The following GLT6D1 variants were observed in gnomAD, a reference collection of about 807,000 sequenced individuals.
The protein encoded by GLT6D1 is glycosyltransferase 6 domain containing 1.
Under a neutral mutation model 12.3 loss-of-function variants are expected in GLT6D1, and 9 were observed. The observed-to-expected ratio is 0.73, with a 90% CI of 0.44 to 1.27. The LOEUF (loss-of-function observed/expected upper bound fraction) is 1.27. GLT6D1 is among the 50% of genes most tolerant of loss of function. The pLI, the probability that GLT6D1 is intolerant of heterozygous loss-of-function variation, is 0.00. For synonymous variants in GLT6D1, 128 were observed against 132.3 expected, an observed-to-expected ratio of 0.97 and a Z score of 0.23; for missense variants, 335 against 346.2, an observed-to-expected ratio of 0.97 and a Z score of 0.26.
chr9:135,633,109 A>AC (rs1833686145), intron 2 of GLT6D1, among the ~76,000 whole-genome samples: 2 of 152,182 alleles, frequency 1.3e-5, no homozygotes, highest in Non-Finnish European at 2.9e-5. Flanking sequence ...CAGGGATTAG[A>AC]GCTGTCTTTG....
intron 3 of GLT6D1, among the ~76,000 whole-genome samples, chr9:135,626,614 G>A (rs1180829199): frequency 6.6e-6 from 1 of 152,188 alleles, no homozygotes; most frequent in Non-Finnish European, 1.5e-5. Flanking sequence ...GCCAGGATGG[G>A]AGGCAGGAGA....
chr9:135,625,923 A>T lies in GLT6D1; in HGVS notation c.257+146T>A, dbSNP rs1313334716. ...TTGAGTCCCTTATTTGGGTTTGGAC[A>T]GGTAAGTTTGTTTCTCCCCAGAAAT... On this transcript the variant is annotated intron_variant, in intron 4 of 4. Transcript: ENST00000371763. The T allele has an allele frequency of 4.7e-6, 4 of 844,670 alleles. No individual in the cohort carries two copies. In the African/African-American group the frequency reaches 6.8e-5, roughly 14 times the overall value. The allele number at this position is 844,670 out of a possible 1,614,324, so 52.3% of individuals were successfully genotyped here.
chr9:135,635,900 A>G (rs1054740128), intron 2 of GLT6D1, among the ~76,000 whole-genome samples: 3 of 152,214 alleles, frequency 2.0e-5, no homozygotes, highest in Admixed American at 2.0e-4. Flanking sequence ...ACAGCAAGAA[A>G]CTTGCTCCCC....
intron 2 of GLT6D1, among the ~76,000 whole-genome samples, chr9:135,634,925 T>C (rs973794965): frequency 1.3e-5 from 2 of 152,246 alleles, no homozygotes; most frequent in African/African-American, 4.8e-5. Context: ...CAAAGACTGC[T>C]CTTTCTCCCC....
chr9:135,639,930 G>A (rs892663617), upstream of GLT6D1, among the ~76,000 whole-genome samples: 12 of 146,886 alleles, frequency 8.2e-5, no homozygotes, highest in Non-Finnish European at 7.4e-5. Context: ...TGCAACCTCC[G>A]CCTCCTGGGT....
chr9:135,635,021 C>G (rs1310222996), intron 2 of GLT6D1, among the ~76,000 whole-genome samples: 1 of 152,236 alleles, frequency 6.6e-6, no homozygotes. Flanking sequence ...GGAGAATCTA[C>G]AGACATGATT....
At chr9:135,630,820 CTTTAG>C (rs951818186) in intron 3 of GLT6D1, among the ~76,000 whole-genome samples, 3 of 151,882 alleles carry the variant, frequency 2.0e-5, no homozygotes, top group African/African-American at 4.8e-5. Flanking sequence ...GCTGGTAATA[CTTTAG>C]TTTATGCACT....
At chr9:135,635,426 G>A (rs1227782069) in intron 2 of GLT6D1, among the ~76,000 whole-genome samples, 4 of 152,186 alleles carry the variant, frequency 2.6e-5, no homozygotes, top group African/African-American at 9.7e-5. Flanking sequence ...AGCCTTGGTC[G>A]CTTTCCTGGA....
intron 2 of GLT6D1, among the ~76,000 whole-genome samples, chr9:135,636,231 G>A (rs569367808): frequency 2.6e-5 from 4 of 152,354 alleles, no homozygotes; most frequent in African/African-American, 7.2e-5. Context: ...GCATGTGCCT[G>A]TAGTCCCAGC....
intron 2 of GLT6D1, among the ~76,000 whole-genome samples, chr9:135,632,250 A>T (rs1479366631): frequency 6.6e-6 from 1 of 151,572 alleles, no homozygotes; most frequent in Non-Finnish European, 1.5e-5. Flanking sequence ...CTCCCACCTC[A>T]GCCTCCCAGG....
intron 4 of GLT6D1, 133 bp from the exon 5 acceptor site, chr9:135,624,803 C>T: frequency 2.0e-6 from 1 of 510,056 alleles, no homozygotes; most frequent in Non-Finnish European, 3.2e-6. Flanking sequence ...GATCTCGGCT[C>T]ACTGCAACCT....
rs539711556 is a variant in GLT6D1 at position 135,624,366 on chromosome 9, C to T, written c.562G>A (p.Gly188Ser). 1 of 1,614,060 alleles carries T rather than the reference C, an allele frequency of 6.2e-7. No homozygotes were observed. Among genetic ancestry groups the T allele is most frequent in the East Asian group, 2.2e-5 (1 of 44,874 alleles). ...FQNEFGVETL[G>S]PLVAQLHAWW... ...GCGTGGAGCTGGGCCACCAACGGGC[C>T]CAGGGTCTCCACCCCGAACTCATTC... is the stretch of plus-strand genomic sequence containing the variant. Residue 188 changes from glycine to serine, a missense_variant, in exon 5 of 5, where the codon GGC becomes AGC. By Grantham distance (56) the Gly-to-Ser change is moderately conservative. Transcript: ENST00000371763.
chr9:135,636,615 C>T (rs371310460), intron 2 of GLT6D1, among the ~76,000 whole-genome samples: 3 of 152,120 alleles, frequency 2.0e-5, no homozygotes, highest in African/African-American at 2.4e-5. Context: ...GTTACACTGT[C>T]ATACAGAACA....
chr9:135,630,153 C>T (rs1254630541), intron 3 of GLT6D1, among the ~76,000 whole-genome samples: 1 of 152,028 alleles, frequency 6.6e-6, no homozygotes, highest in African/African-American at 2.4e-5. Context: ...CACCTGTAAT[C>T]CCAGCACTTT....
At chr9:135,626,255 G>C (rs7033170) in intron 3 of GLT6D1, 49 bp from the exon 4 acceptor site, 51,079 of 1,601,074 alleles carry the variant, frequency 0.032, 1,215 homozygotes, top group African/African-American at 0.12. Flanking sequence ...CTGAGGCGCC[G>C]GCAGCAGGTG....
chr9:135,624,886 C>T lies in GLT6D1; in HGVS notation c.258-216G>A, dbSNP rs187917605. 3.8e-3 allele frequency among the ~76,000 whole-genome samples: 553 copies of T among 145,282 alleles called. 3 individuals are homozygous for T. Among genetic ancestry groups the T allele is most frequent in the African/African-American group, 0.013 (516 of 39,874 alleles). On this transcript the variant is annotated intron_variant, in intron 4 of 4. Transcript: ENST00000371763. ...CTGGGACTACAGGCACCTGCCACCACGCCCAGGTAATTTTTTTTTTTTTTT... is the reference window on the plus strand; with the variant it reads ...CTGGGACTACAGGCACCTGCCACCATGCCCAGGTAATTTTTTTTTTTTTTT...
chr9:135,634,103 C>T (rs1248128208), intron 2 of GLT6D1, among the ~76,000 whole-genome samples: 1 of 152,166 alleles, frequency 6.6e-6, no homozygotes, highest in African/African-American at 2.4e-5. Context: ...ACACAAAATA[C>T]ATGGCACCAA....
intron 4 of GLT6D1, among the ~76,000 whole-genome samples, chr9:135,625,114 C>G (rs1032134608): frequency 6.6e-6 from 1 of 152,036 alleles, no homozygotes. Context: ...GTGTCTGATG[C>G]TAAGGAACTC....
At chr9:135,627,593 C>T (rs796158512) in intron 3 of GLT6D1, among the ~76,000 whole-genome samples, 11 of 152,266 alleles carry the variant, frequency 7.2e-5, no homozygotes, top group African/African-American at 2.6e-4. Flanking sequence ...GAGTTATTTA[C>T]ACTTTCTGGC....
Sources: allele counts gnomAD v4.1 joint callset (sites outside exome capture counted in the v4.1 genomes callset), GRCh38; gene constraint gnomAD v4.1.1; transcripts MANE v1.5; gene names NCBI Gene and HGNC (gene_info 2026-07-23, HGNC 2026-07-21).